Variants in LONP2 observed in about 807,000 individuals in gnomAD.
LONP2 encodes the protein lon peptidase 2, peroxisomal.
A neutral mutation model predicts 85.6 loss-of-function variants in LONP2; 60 were observed. The ratio of observed to expected loss-of-function variants is 0.70; its 90% CI spans 0.57 to 0.87. The LOEUF is 0.87. Ranked by LOEUF, LONP2 falls within the 40% of genes least tolerant of loss-of-function variation. The probability of loss-of-function intolerance (pLI) is 0.00; values close to 1 mark genes in which losing one functional copy is unlikely to be tolerated. For synonymous variants in LONP2, 395 were observed against 389.7 expected (o/e 1.01, Z -0.16); for missense variants, 860 against 1,063.5 (o/e 0.81, Z 2.66).
chr16:48,259,832 A>G (rs748190321), intron 4 of LONP2, among the ~76,000 whole-genome samples: 3 of 152,228 alleles, frequency 2.0e-5, no homozygotes, highest in Non-Finnish European at 2.9e-5. Context: ...CTCATTTTGT[A>G]TAGAGAGACA....
chr16:48,268,343 CT>C (rs1972033685), intron 6 of LONP2, among the ~76,000 whole-genome samples: 1 of 152,042 alleles, frequency 6.6e-6, no homozygotes, highest in South Asian at 2.1e-4. Flanking sequence ...ATTATCTTGA[CT>C]TTTATTCTTA....
intron 10 of LONP2, among the ~76,000 whole-genome samples, chr16:48,302,967 A>G (rs1196488961): frequency 6.6e-6 from 1 of 152,224 alleles, no homozygotes; most frequent in African/African-American, 2.4e-5. Context: ...TAATCTGTAT[A>G]AAGGAAATTG....
intron 14 of LONP2, among the ~76,000 whole-genome samples, chr16:48,349,714 A>G (rs577362808): frequency 1.3e-4 from 20 of 152,360 alleles, no homozygotes; most frequent in African/African-American, 4.6e-4. Flanking sequence ...TATTCAGGAA[A>G]AAACTATAGT....
intron 7 of LONP2, among the ~76,000 whole-genome samples, chr16:48,270,935 C>T (rs557488912): frequency 2.0e-5 from 3 of 151,884 alleles, no homozygotes; most frequent in African/African-American, 7.3e-5. Flanking sequence ...TGAGACCAGC[C>T]GGGGCAACAT....
rs752988970 is a variant in LONP2, at chr16:48,351,803, G to A, written c.*1G>A. On this transcript the variant is annotated 3_prime_UTR_variant, in exon 15 of 15. Coordinates refer to ENST00000285737, the MANE Select transcript of LONP2 (RefSeq NM_031490.5). Reference sequence around the variant, plus strand: ...TGGTCTGTTAAATAGCAAACTGTAGGTCCAAATCTCAATTTTTTAGAATTT... The same window carrying A: ...TGGTCTGTTAAATAGCAAACTGTAGATCCAAATCTCAATTTTTTAGAATTT... 2 of 1,611,884 alleles carry A rather than the reference G, an allele frequency of 1.2e-6. No homozygotes were observed. The highest frequency in any genetic ancestry group is 1.3e-5 in the African/African-American group (1 of 74,842).
Position 48,354,181 on chromosome 16 carries a change from T to G in LONP2, c.*2379T>G, listed in dbSNP as rs1960250472. 1 of 143,440 alleles carries G rather than the reference T, an allele frequency of 7.0e-6. No homozygotes were observed. 8.9% of individuals were successfully genotyped at this position (143,440 alleles called of 1,614,324 possible). The stretch of plus-strand genomic sequence containing the variant: ...GGGTATCAGTTACTGGATCTAAGCA[T>G]GTCCACTCTACACGCTTTTTTTTTT... On this transcript the variant is annotated 3_prime_UTR_variant, in exon 15 of 15. Coordinates refer to ENST00000285737, the MANE Select transcript of LONP2 (RefSeq NM_031490.5).
chr16:48,343,013 T>C (rs1354287083), intron 12 of LONP2, among the ~76,000 whole-genome samples: 2 of 152,192 alleles, frequency 1.3e-5, no homozygotes, highest in African/African-American at 4.8e-5. Context: ...ACTCATATTT[T>C]AAGACTCAGC....
At chr16:48,261,674 C>A in intron 5 of LONP2, 87 bp downstream of exon 5, 1 of 993,958 alleles carries the variant, frequency 1.0e-6, no homozygotes, top group Non-Finnish European at 1.4e-6. Flanking sequence ...TTCTCCAATA[C>A]TGAGGATACA....
intron 10 of LONP2, among the ~76,000 whole-genome samples, chr16:48,301,399 G>A (rs563533526): frequency 3.2e-4 from 49 of 152,194 alleles, no homozygotes; most frequent in Admixed American, 7.2e-4. Flanking sequence ...GGAGTGCAGT[G>A]GCATGATCTT....
At chr16:48,300,744 A>G (rs895572148) in intron 10 of LONP2, among the ~76,000 whole-genome samples, 1 of 152,186 alleles carries the variant, frequency 6.6e-6, no homozygotes, top group African/African-American at 2.4e-5. Context: ...TATGGTGTAG[A>G]TAATGCCAGG....
At chr16:48,330,096 CTT>C (rs1321570288) in intron 11 of LONP2, among the ~76,000 whole-genome samples, 2 of 152,304 alleles carry the variant, frequency 1.3e-5, no homozygotes, top group Admixed American at 1.3e-4. Flanking sequence ...GAGAAGATCT[CTT>C]TACTTTTTTT....
In LONP2 at chr16:48,353,315, G is replaced by C. The variant is rs1365168832; in HGVS notation, c.*1513G>C. 1 of 151,664 alleles carries C rather than the reference G, an allele frequency of 6.6e-6. No individual in the cohort carries two copies. The allele number at this position is 151,664 out of a possible 1,614,324, so 9.4% of individuals were successfully genotyped here. ...AAGCTCAGGAGTTCAAGGCCAGCCT[G>C]GGCAACATGGCAAAACCCCATTTCT... On this transcript the variant is annotated 3_prime_UTR_variant, in exon 15 of 15. Transcript: ENST00000285737.
intron 8 of LONP2, among the ~76,000 whole-genome samples, chr16:48,285,932 G>A (rs1433125848): frequency 6.6e-6 from 1 of 152,058 alleles, no homozygotes; most frequent in Non-Finnish European, 1.5e-5. Flanking sequence ...TCATTACACA[G>A]CAATTCCCTG....
intron 11 of LONP2, among the ~76,000 whole-genome samples, chr16:48,305,678 A>T (rs1972898447): frequency 6.6e-6 from 1 of 152,054 alleles, no homozygotes; most frequent in African/African-American, 2.4e-5. Flanking sequence ...GACTTTTAGG[A>T]CCCACATCAA....
intron 6 of LONP2, among the ~76,000 whole-genome samples, chr16:48,267,217 A>C (rs1972008438): frequency 6.6e-6 from 1 of 152,158 alleles, no homozygotes; most frequent in African/African-American, 2.4e-5. Flanking sequence ...GTATAAAAGG[A>C]GTCATGTTAA....
chr16:48,312,858 C>A (rs1973063255), intron 11 of LONP2, among the ~76,000 whole-genome samples: 1 of 152,094 alleles, frequency 6.6e-6, no homozygotes, highest in African/African-American at 2.4e-5. Flanking sequence ...TCAGGTATCT[C>A]AGGTACCGAG....
At chr16:48,346,297 A>G (rs1959962001) in intron 12 of LONP2, among the ~76,000 whole-genome samples, 1 of 152,180 alleles carries the variant, frequency 6.6e-6, no homozygotes, top group African/African-American at 2.4e-5. Flanking sequence ...CTCTAACATG[A>G]GTAACTTCTA....
chr16:48,247,763 G>C (rs907047548), intron 1 of LONP2, among the ~76,000 whole-genome samples: 1 of 152,176 alleles, frequency 6.6e-6, no homozygotes, highest in South Asian at 2.1e-4. Context: ...TGGTCATCCA[G>C]CTTTCTTCCA....
At chr16:48,263,983 A>G (rs1249614701) in intron 6 of LONP2, among the ~76,000 whole-genome samples, 1 of 152,188 alleles carries the variant, frequency 6.6e-6, no homozygotes, top group Non-Finnish European at 1.5e-5. Flanking sequence ...GCAAGTTTTT[A>G]TTAGGGATTT....
Sources: gnomAD v4.1 joint callset for allele counts (sites outside exome capture counted in the v4.1 genomes callset) on GRCh38, gnomAD v4.1.1 for gene constraint, MANE v1.5 for transcripts, NCBI Gene and HGNC (gene_info 2026-07-23, HGNC 2026-07-21) for gene names.